RAP1A: variants seen among roughly 807,000 people sequenced by gnomAD.
The protein encoded by RAP1A is ras-related protein Rap-1A.
A neutral mutation model predicts 26.4 loss-of-function variants in RAP1A; 6 were observed. The observed-to-expected ratio is 0.23, with a 90% CI of 0.12 to 0.45. The LOEUF is 0.45. RAP1A is among the 20% of genes least tolerant of loss of function. The pLI is 0.99. For synonymous variants in RAP1A, 73 were observed against 79.4 expected, an observed-to-expected ratio of 0.92 and a Z score of 0.43; for missense variants, 121 against 217.2, an observed-to-expected ratio of 0.56 and a Z score of 2.78.
At chr1:111,656,227 C>T (rs992692098) in intron 1 of RAP1A, among the ~76,000 whole-genome samples, 4 of 145,572 alleles carry the variant, frequency 2.7e-5, no homozygotes, top group Admixed American at 1.4e-4. Context: ...GTAATATCGG[C>T]GGGGGTGGGG....
At chr1:111,585,497 C>T (rs1214796072) in intron 1 of RAP1A, among the ~76,000 whole-genome samples, 1 of 150,230 alleles carries the variant, frequency 6.7e-6, no homozygotes, top group African/African-American at 2.4e-5. Context: ...AAAAAAAAAG[C>T]AGTAATACGG....
At chr1:111,641,046 G>A (rs1373628555) in intron 1 of RAP1A, among the ~76,000 whole-genome samples, 1 of 152,136 alleles carries the variant, frequency 6.6e-6, no homozygotes, top group African/African-American at 2.4e-5. Context: ...TACAGATCAA[G>A]AAAAGAATGC....
chr1:111,624,077 G>A (rs1004219494), intron 1 of RAP1A, among the ~76,000 whole-genome samples: 2 of 152,112 alleles, frequency 1.3e-5, no homozygotes, highest in African/African-American at 4.8e-5. Flanking sequence ...GTGAATGTAA[G>A]TTTACTCGTT....
intron 4 of RAP1A, among the ~76,000 whole-genome samples, chr1:111,699,002 T>C (rs1661928865): frequency 6.6e-6 from 1 of 152,082 alleles, no homozygotes; most frequent in Admixed American, 6.5e-5. Flanking sequence ...CTGTCCAGAT[T>C]GTAAGAAGGA....
intron 1 of RAP1A, among the ~76,000 whole-genome samples, chr1:111,554,912 T>G (rs1657418388): frequency 6.6e-6 from 1 of 151,676 alleles, no homozygotes; most frequent in Non-Finnish European, 1.5e-5. Context: ...CAAAATTCCC[T>G]GAGTAAGGGA....
At chr1:111,686,812 A>T (rs1273789758) in intron 1 of RAP1A, 6 of 151,822 alleles carry the variant, frequency 4.0e-5, no homozygotes, top group Non-Finnish European at 7.4e-5. Flanking sequence ...TTCTTAATCC[A>T]GGGTTCCCAA....
At chr1:111,657,070 C>T (rs1191747088) in intron 1 of RAP1A, among the ~76,000 whole-genome samples, 1 of 151,622 alleles carries the variant, frequency 6.6e-6, no homozygotes, top group Non-Finnish European at 1.5e-5. Flanking sequence ...ACAATAGGTA[C>T]TTCATATAAG....
intron 3 of RAP1A, among the ~76,000 whole-genome samples, chr1:111,695,990 T>G (rs989127935): frequency 6.6e-6 from 1 of 152,172 alleles, no homozygotes; most frequent in African/African-American, 2.4e-5. Context: ...GTGCAGGATG[T>G]TGATGGTGGG....
At chr1:111,680,256 G>A (rs1051200032) in intron 1 of RAP1A, among the ~76,000 whole-genome samples, 3 of 152,168 alleles carry the variant, frequency 2.0e-5, no homozygotes, top group Admixed American at 2.0e-4. Flanking sequence ...TATGAAGAGC[G>A]AAAGAACAAA....
At chr1:111,681,464 A>G (rs1661291959) in intron 1 of RAP1A, among the ~76,000 whole-genome samples, 1 of 152,232 alleles carries the variant, frequency 6.6e-6, no homozygotes, top group Non-Finnish European at 1.5e-5. Flanking sequence ...AAAAGGTTGC[A>G]GGAACTGCTA....
At chr1:111,695,002 T>C (rs903166091) in intron 2 of RAP1A, among the ~76,000 whole-genome samples, 11 of 152,156 alleles carry the variant, frequency 7.2e-5, no homozygotes, top group African/African-American at 2.2e-4. Context: ...TTACTATAGA[T>C]ATATAAAGGG....
intron 1 of RAP1A, among the ~76,000 whole-genome samples, chr1:111,690,365 T>C (rs1404938061): frequency 6.6e-6 from 1 of 152,252 alleles, no homozygotes; most frequent in Non-Finnish European, 1.5e-5. Flanking sequence ...GTCTGTGTGC[T>C]GGGCTTGGCC....
At chr1:111,648,262 CA>C in intron 1 of RAP1A, 1 of 839,748 alleles carries the variant, frequency 1.2e-6, no homozygotes, top group Non-Finnish European at 1.8e-6. Context: ...TCCTGCTCCC[CA>C]AAGGGTACCC....
chr1:111,624,942 T>G (rs1221503074), intron 1 of RAP1A, among the ~76,000 whole-genome samples: 1 of 152,174 alleles, frequency 6.6e-6, no homozygotes, highest in Non-Finnish European at 1.5e-5. Flanking sequence ...AAAAAATTCT[T>G]TATAAATCAC....
chr1:111,615,257 G>A (rs1002793476), upstream of RAP1A, among the ~76,000 whole-genome samples: 11 of 151,904 alleles, frequency 7.2e-5, no homozygotes, highest in African/African-American at 1.9e-4. Flanking sequence ...AAAATAGGGT[G>A]GAGTCATGAT....
At chr1:111,588,185 G>A (rs976059842) in intron 1 of RAP1A, among the ~76,000 whole-genome samples, 1 of 152,088 alleles carries the variant, frequency 6.6e-6, no homozygotes, top group Admixed American at 6.6e-5. Context: ...CTTTAGATGT[G>A]CCCCTCCTCA....
chr1:111,704,186 C>T (rs934118157), intron 5 of RAP1A, among the ~76,000 whole-genome samples, 157 bp from the exon 6 acceptor site: 1 of 150,342 alleles, frequency 6.7e-6, no homozygotes, highest in Non-Finnish European at 1.5e-5. Flanking sequence ...CTTCCTTCGC[C>T]TCTTCCCCTC....
intron 1 of RAP1A, among the ~76,000 whole-genome samples, chr1:111,680,141 C>T: frequency 6.6e-6 from 1 of 152,198 alleles, no homozygotes; most frequent in East Asian, 1.9e-4. Flanking sequence ...CCGGTGGGTT[C>T]TTGGTCTCGC....
chr1:111,663,064 C>G (rs1197001917), intron 1 of RAP1A, among the ~76,000 whole-genome samples: 1 of 152,186 alleles, frequency 6.6e-6, no homozygotes, highest in African/African-American at 2.4e-5. Context: ...CAGGCACGAG[C>G]CACCATGCCC....
Sources: allele counts gnomAD v4.1 joint callset (sites outside exome capture counted in the v4.1 genomes callset), GRCh38; gene constraint gnomAD v4.1.1; transcripts MANE v1.5; gene names NCBI Gene and HGNC (gene_info 2026-07-23, HGNC 2026-07-21).